The following TMEM236 variants were observed in gnomAD, a reference collection of about 807,000 sequenced individuals.
TMEM236 encodes family with sequence similarity 23, member A.
Under a neutral mutation model 14.7 loss-of-function variants are expected in TMEM236, and 11 were observed. The observed-to-expected ratio is 0.75, with a 90% CI of 0.47 to 1.24. TMEM236 has a LOEUF of 1.24. TMEM236 is among the 50% of genes most tolerant of loss of function. TMEM236 has a pLI of 0.00. For synonymous variants in TMEM236, 182 were observed against 168.6 expected (o/e 1.08, Z -0.62); for missense variants, 464 against 427.3 (o/e 1.09, Z -0.76).
At chr10:17,792,733 T>C (rs1837946811) in intron 3 of TMEM236, among the ~76,000 whole-genome samples, 2 of 152,220 alleles carry the variant, frequency 1.3e-5, no homozygotes, top group African/African-American at 4.8e-5. Flanking sequence ...CATGTGAGCC[T>C]CTCAGGAGGT....
chr10:17,759,030 A>T (rs1280388054), intron 1 of TMEM236, among the ~76,000 whole-genome samples: 3 of 152,222 alleles, frequency 2.0e-5, no homozygotes, highest in Non-Finnish European at 2.9e-5. Context: ...CTTAAAATGT[A>T]CTGGAGGCTG....
At position 17,796,337 on chromosome 10, in the gene TMEM236, C is replaced by A. The variant is rs1479390642; in HGVS notation, c.889C>A (p.Gln297Lys). 4 of 1,613,848 alleles carry A rather than the reference C, an allele frequency of 2.5e-6. No homozygotes were observed. In the South Asian group the frequency reaches 3.3e-5, roughly 13 times the overall value. The change falls in exon 4 of 4, where the codon CAA becomes AAA. Residue 297 changes from glutamine (Q) to lysine (K), a missense_variant. Transcript: ENST00000377495. ...PLLNSLSVLL[Q>K]DLPFVFVRLG... ...TCTCAATTCCCTGAGCGTCCTGCTG[C>A]AAGATTTACCATTCGTTTTTGTTAG...
At chr10:17,791,076 G>A (rs1240990488) in intron 3 of TMEM236, among the ~76,000 whole-genome samples, 1 of 152,122 alleles carries the variant, frequency 6.6e-6, no homozygotes, top group East Asian at 1.9e-4. Flanking sequence ...CTCAAGTTCT[G>A]GTCTTTCTAC....
At chr10:17,774,130 C>T (rs1554835042) in intron 2 of TMEM236, among the ~76,000 whole-genome samples, 2 of 152,114 alleles carry the variant, frequency 1.3e-5, no homozygotes, top group Non-Finnish European at 1.5e-5. Context: ...CTGCAACCTC[C>T]ACCTTCTGGG....
intron 1 of TMEM236, among the ~76,000 whole-genome samples, chr10:17,765,064 C>A (rs1213858422): frequency 2.6e-5 from 4 of 151,974 alleles, no homozygotes; most frequent in African/African-American, 7.3e-5. Context: ...TTGTGATCTG[C>A]CCACCTCAGT....
intron 1 of TMEM236, among the ~76,000 whole-genome samples, chr10:17,754,177 A>T (rs1837249548): frequency 6.6e-6 from 1 of 152,248 alleles, no homozygotes; most frequent in Admixed American, 6.5e-5. Context: ...CATAATCAGA[A>T]GATGGTAATG....
rs1259284138 is a variant in TMEM236 at position 17,797,277 on chromosome 10, A to G, written c.*773A>G. 3 of 151,468 alleles carry G rather than the reference A, an allele frequency of 2.0e-5. No individual in the cohort carries two copies. The highest frequency in any genetic ancestry group is 4.4e-5 in the Non-Finnish European group (3 of 68,012). 9.4% of individuals were successfully genotyped at this position (151,468 alleles called of 1,614,324 possible). A position where few individuals can be genotyped will look rare whatever the true frequency, so the allele number is the denominator to read the frequency against. ...TAAAAAACACACTTGAAATTATTGAATAATTTTTAGGTTATACTTTTTTTT... is the reference window on the plus strand; with the variant it reads ...TAAAAAACACACTTGAAATTATTGAGTAATTTTTAGGTTATACTTTTTTTT... On this transcript the variant is annotated 3_prime_UTR_variant, in exon 4 of 4. Transcript: ENST00000377495.
chr10:17,792,064 C>CT (rs1175458416), intron 3 of TMEM236, among the ~76,000 whole-genome samples: 4 of 149,812 alleles, frequency 2.7e-5, no homozygotes, highest in Non-Finnish European at 4.4e-5. Context: ...CTTTGTGATT[C>CT]TTTTTTCTTT....
intron 3 of TMEM236, among the ~76,000 whole-genome samples, chr10:17,778,922 T>G (rs1241143502): frequency 6.6e-6 from 1 of 152,210 alleles, no homozygotes; most frequent in Non-Finnish European, 1.5e-5. Flanking sequence ...AGTGGAAATC[T>G]CTCAGTATCA....
chr10:17,765,542 G>C (rs1837448746), intron 1 of TMEM236, among the ~76,000 whole-genome samples: 1 of 152,142 alleles, frequency 6.6e-6, no homozygotes. Flanking sequence ...TGTGAAGCTG[G>C]ACAAAAAGTT....
rs561646760 is a variant in TMEM236 at position 17,764,520 on chromosome 10, T to G, written c.258-6789T>G. Among the ~76,000 whole-genome samples the G allele has an allele frequency of 2.3e-3, 353 of 152,286 alleles. 1 individual carries two copies. The highest frequency in any genetic ancestry group is 8.2e-3 in the African/African-American group (341 of 41,566). ...CCTAAATTCTGTTATTTGTAGTACT[T>G]CCTAGGACTGCTATAACAAAGTATC... On this transcript the variant is annotated intron_variant, in intron 1 of 3. Transcript: ENST00000377495.
At chr10:17,762,671 A>T (rs1837392108) in intron 1 of TMEM236, among the ~76,000 whole-genome samples, 2 of 145,110 alleles carry the variant, frequency 1.4e-5, no homozygotes, top group African/African-American at 5.1e-5. Context: ...AAATATATAT[A>T]TTTAGGTTTT....
intron 3 of TMEM236, among the ~76,000 whole-genome samples, chr10:17,792,402 A>G (rs1837940826): frequency 6.6e-6 from 1 of 152,180 alleles, no homozygotes; most frequent in Non-Finnish European, 1.5e-5. Context: ...TTTTATTTAG[A>G]TAACATATTG....
intron 3 of TMEM236, 57 bp from the exon 4 acceptor site, chr10:17,795,864 T>G: frequency 1.2e-4 from 189 of 1,524,814 alleles, no homozygotes; most frequent in Non-Finnish European, 1.6e-4. Flanking sequence ...GAATAACATT[T>G]GAGCTAAAAT....
At chr10:17,762,683 G>C (rs889871627) in intron 1 of TMEM236, among the ~76,000 whole-genome samples, 2 of 137,134 alleles carry the variant, frequency 1.5e-5, no homozygotes, top group Admixed American at 8.0e-5. Flanking sequence ...TTAGGTTTTT[G>C]TCGAGACAGG....
chr10:17,767,934 G>A (rs1446281470), intron 1 of TMEM236, among the ~76,000 whole-genome samples: 2 of 144,218 alleles, frequency 1.4e-5, no homozygotes, highest in African/African-American at 5.2e-5. Context: ...TTTTGAGACA[G>A]TGTCTCGCTC....
At chr10:17,780,736 T>G (rs1837733096) in intron 3 of TMEM236, among the ~76,000 whole-genome samples, 1 of 152,072 alleles carries the variant, frequency 6.6e-6, no homozygotes, top group Admixed American at 6.5e-5. Flanking sequence ...CCAAGAAGAT[T>G]AAGGACATGG....
At chr10:17,783,763 A>G (rs1336777558) in intron 3 of TMEM236, among the ~76,000 whole-genome samples, 1 of 152,210 alleles carries the variant, frequency 6.6e-6, no homozygotes, top group Non-Finnish European at 1.5e-5. Context: ...AACACTGGAA[A>G]TTTATTCCAT....
At chr10:17,771,190 C>G in intron 1 of TMEM236, 119 bp from the exon 2 acceptor site, 1 of 909,294 alleles carries the variant, frequency 1.1e-6, no homozygotes, top group South Asian at 1.4e-5. Flanking sequence ...AATAGGGAAG[C>G]AGCAGCTTCT....
Sources: allele counts gnomAD v4.1 joint callset (sites outside exome capture counted in the v4.1 genomes callset), GRCh38; gene constraint gnomAD v4.1.1; transcripts MANE v1.5; gene names NCBI Gene and HGNC (gene_info 2026-07-23, HGNC 2026-07-21).